The following MARK1 variants were observed in gnomAD, a reference collection of about 807,000 sequenced individuals.
MARK1 encodes microtubule affinity regulating kinase 1.
Under a neutral mutation model 96.3 loss-of-function variants are expected in MARK1, and 40 were observed. The observed-to-expected ratio is 0.42, with a 90% confidence interval of 0.32 to 0.54. The LOEUF is 0.54. Among genes scored for constraint, MARK1 ranks in the 20% least tolerant of loss-of-function variants. The probability of loss-of-function intolerance (pLI) is 0.16; values close to 1 mark genes in which losing one functional copy is unlikely to be tolerated. For synonymous variants in MARK1, 317 were observed against 341.2 expected (o/e 0.93, Z 0.78); for missense variants, 719 against 984.6 (o/e 0.73, Z 3.61).
chr1:220,657,933 A>G, intron 17 of MARK1, 99 bp downstream of exon 17: 1 of 814,626 alleles, frequency 1.2e-6, no homozygotes, highest in Non-Finnish European at 1.7e-6. Context: ...TAGATCTAAT[A>G]ACTAGATAGC....
At chr1:220,535,368 A>G (rs757553201) in intron 1 of MARK1, among the ~76,000 whole-genome samples, 1 of 152,050 alleles carries the variant, frequency 6.6e-6, no homozygotes, top group Non-Finnish European at 1.5e-5. Flanking sequence ...GGCCATTTGT[A>G]TGTCTTCTTT....
chr1:220,613,064 G>A (rs1666546054), intron 6 of MARK1, among the ~76,000 whole-genome samples: 1 of 152,186 alleles, frequency 6.6e-6, no homozygotes, highest in South Asian at 2.1e-4. Flanking sequence ...GTACCCAGCT[G>A]ACAGTAAATC....
chr1:220,640,345 T>G (rs1572218431), intron 13 of MARK1, among the ~76,000 whole-genome samples: 1 of 152,374 alleles, frequency 6.6e-6, no homozygotes, highest in Non-Finnish European at 1.5e-5. Context: ...CTCTTGCTTA[T>G]AAGTATGATT....
At chr1:220,558,191 A>G (rs925281299) in intron 1 of MARK1, among the ~76,000 whole-genome samples, 9 of 149,286 alleles carry the variant, frequency 6.0e-5, no homozygotes, top group African/African-American at 2.2e-4. Context: ...GGGAAATGGC[A>G]GGGGAAACAT....
intron 5 of MARK1, among the ~76,000 whole-genome samples, chr1:220,602,915 G>A (rs1012876168): frequency 3.9e-5 from 6 of 151,926 alleles, no homozygotes; most frequent in Admixed American, 6.6e-5. Flanking sequence ...TATGCCAGTC[G>A]CTGTGCTAAG....
intron 11 of MARK1, among the ~76,000 whole-genome samples, chr1:220,632,966 G>A (rs1379092784): frequency 5.3e-5 from 8 of 152,188 alleles, no homozygotes. Context: ...AAAGCATAGT[G>A]TTGGCATCTG....
intron 13 of MARK1, among the ~76,000 whole-genome samples, chr1:220,640,571 C>G (rs1668211457): frequency 6.6e-6 from 1 of 152,152 alleles, no homozygotes; most frequent in Non-Finnish European, 1.5e-5. Flanking sequence ...TGAAAGGAGT[C>G]TCTCTTAGTT....
chr1:220,650,827 T>C (rs1668833900), intron 14 of MARK1, 107 bp downstream of exon 14: 2 of 709,802 alleles, frequency 2.8e-6, no homozygotes, highest in South Asian at 1.9e-5. Flanking sequence ...AGTTATTACA[T>C]GAAATAGTAA....
chr1:220,585,710 T>G (rs1258335604), intron 3 of MARK1, among the ~76,000 whole-genome samples: 1 of 152,186 alleles, frequency 6.6e-6, no homozygotes, highest in South Asian at 2.1e-4. Flanking sequence ...AACCTAGAAT[T>G]TCACAGCCAT....
intron 1 of MARK1, among the ~76,000 whole-genome samples, chr1:220,570,547 C>G (rs956838024): frequency 3.3e-5 from 5 of 152,052 alleles, no homozygotes; most frequent in African/African-American, 4.8e-5. Context: ...TAGTACTACT[C>G]TATGTTTTTA....
chr1:220,607,706 G>A (rs189996790), intron 6 of MARK1, among the ~76,000 whole-genome samples: 14 of 152,180 alleles, frequency 9.2e-5, no homozygotes, highest in Admixed American at 7.2e-4. Flanking sequence ...GTCATAAATA[G>A]CTCTTATTAT....
rs1379234914 is a variant in MARK1 at position 220,650,367 on chromosome 1, C to T, written c.1471-253C>T. Among the ~76,000 whole-genome samples the T allele has an allele frequency of 3.3e-5, 5 of 152,208 alleles. No homozygotes were observed. The South Asian group carries it at 1.0e-3, about 32-fold the overall frequency. ...AAGGAGGGAGTGAATAGAAACCCAG[C>T]TCTCCTATTGCTTCCAAACTGCTGG... On this transcript the variant is annotated intron_variant, in intron 13 of 17. Transcript: ENST00000366917.
chr1:220,592,006 A>G (rs1298970941), intron 3 of MARK1, among the ~76,000 whole-genome samples: 1 of 151,868 alleles, frequency 6.6e-6, no homozygotes, highest in Non-Finnish European at 1.5e-5. Flanking sequence ...AAAGTATTCA[A>G]TTTGGTTTGT....
intron 17 of MARK1, 68 bp from the exon 18 acceptor site, chr1:220,661,742 ATG>A: frequency 8.6e-7 from 1 of 1,164,198 alleles, no homozygotes; most frequent in Non-Finnish European, 1.2e-6. Flanking sequence ...CTTAGATTTT[ATG>A]TGTGTTTTGA....
intron 13 of MARK1, among the ~76,000 whole-genome samples, chr1:220,644,302 A>C (rs1182278909): frequency 1.3e-5 from 2 of 152,196 alleles, no homozygotes; most frequent in African/African-American, 4.8e-5. Context: ...AAACCAACAA[A>C]GGTCAGAAAA....
chr1:220,546,287 G>T (rs146858429), intron 1 of MARK1, among the ~76,000 whole-genome samples: 17 of 152,242 alleles, frequency 1.1e-4, no homozygotes, highest in African/African-American at 3.9e-4. Flanking sequence ...GTTAAGAAAA[G>T]ATTCACATTT....
chr1:220,648,714 T>C (rs1412058318), intron 13 of MARK1, among the ~76,000 whole-genome samples: 1 of 152,220 alleles, frequency 6.6e-6, no homozygotes, highest in Non-Finnish European at 1.5e-5. Context: ...GTTATTCATA[T>C]GACAGTTTGG....
intron 1 of MARK1, among the ~76,000 whole-genome samples, chr1:220,543,076 A>G (rs1661254467): frequency 6.6e-6 from 1 of 152,178 alleles, no homozygotes; most frequent in Non-Finnish European, 1.5e-5. Flanking sequence ...AGAATGATTA[A>G]TTTTCAAGAA....
intron 13 of MARK1, among the ~76,000 whole-genome samples, chr1:220,642,893 C>T (rs1031617624): frequency 6.6e-6 from 1 of 152,096 alleles, no homozygotes; most frequent in Non-Finnish European, 1.5e-5. Flanking sequence ...AGAAGAAAGA[C>T]AAACAGAAAG....
Sources: allele counts gnomAD v4.1 joint callset (sites outside exome capture counted in the v4.1 genomes callset), GRCh38; gene constraint gnomAD v4.1.1; transcripts MANE v1.5; gene names NCBI Gene and HGNC (gene_info 2026-07-23, HGNC 2026-07-21).